The following HPR variants were observed in gnomAD, a reference collection of about 807,000 sequenced individuals.
The protein encoded by HPR is Haptoglobin-related locus.
A neutral mutation model predicts 18.5 loss-of-function variants in HPR; 17 were observed. The ratio of observed to expected loss-of-function variants is 0.92; its 90% confidence interval spans 0.63 to 1.38. The LOEUF is 1.38. Ranked by LOEUF, HPR falls within the 40% of genes most tolerant of loss-of-function variation. The probability of loss-of-function intolerance (pLI) is 0.00; values close to 1 mark genes in which losing one functional copy is unlikely to be tolerated. For missense variants in HPR, 457 were observed against 432.4 expected, an observed-to-expected ratio of 1.06 and a Z score of -0.51; for synonymous variants, 176 against 165.0, an observed-to-expected ratio of 1.07 and a Z score of -0.51.
chr16:72,066,482 C>T (rs2144061720), intron 1 of HPR, among the ~76,000 whole-genome samples: 2 of 152,250 alleles, frequency 1.3e-5, no homozygotes, highest in South Asian at 4.2e-4. Context: ...AACAGCAATG[C>T]AGCCCACTGA....
At chr16:72,071,638 C>A (rs141012393) in intron 1 of HPR, among the ~76,000 whole-genome samples, 144 of 152,308 alleles carry the variant, frequency 9.5e-4, no homozygotes, top group Admixed American at 3.9e-3. Context: ...AGCTTAAGTC[C>A]TTCCAAGAGC....
chr16:72,069,504 G>A (rs1282102866), intron 1 of HPR, among the ~76,000 whole-genome samples: 1 of 152,028 alleles, frequency 6.6e-6, no homozygotes. Context: ...ATAAAGATAG[G>A]AGCCAAAGGA....
chr16:72,066,713 G>C (rs141159301), intron 1 of HPR, among the ~76,000 whole-genome samples: 2 of 152,162 alleles, frequency 1.3e-5, no homozygotes, highest in East Asian at 1.9e-4. Flanking sequence ...GTCACTAAAG[G>C]CTGGCCAGAT....
At chr16:72,064,079 T>G (rs1003706853) in intron 1 of HPR, among the ~76,000 whole-genome samples, 1 of 152,108 alleles carries the variant, frequency 6.6e-6, no homozygotes, top group Non-Finnish European at 1.5e-5. Flanking sequence ...GCCTGAATGG[T>G]GGGCGTCTGT....
At chr16:72,065,691 T>C (rs2041590484) in intron 1 of HPR, among the ~76,000 whole-genome samples, 2 of 152,134 alleles carry the variant, frequency 1.3e-5, no homozygotes, top group Admixed American at 1.3e-4. Context: ...TAATCCAATA[T>C]GTTAATGATA....
chr16:72,074,124 G>C lies in HPR; in HGVS notation c.91+147G>C, dbSNP rs538530116. 7.1e-5 allele frequency: 94 copies of C among 1,318,588 alleles called. 1 individual carries two copies. In the Middle Eastern group the frequency reaches 1.4e-3, roughly 20 times the overall value. 81.7% of individuals were successfully genotyped at this position (1,318,588 alleles called of 1,614,324 possible). On this transcript the variant is annotated intron_variant, in intron 2 of 4. Transcript: ENST00000540303. Reference sequence around the variant, plus strand: ...GGCTTTCAGGACTGCCAAGAACATTGGGGATCCTGCCAGAAATGAGGGGAG... The same window carrying C: ...GGCTTTCAGGACTGCCAAGAACATTCGGGATCCTGCCAGAAATGAGGGGAG...
intron 1 of HPR, among the ~76,000 whole-genome samples, chr16:72,070,727 G>A (rs2041645975): frequency 6.6e-6 from 1 of 152,096 alleles, no homozygotes; most frequent in Admixed American, 6.6e-5. Flanking sequence ...CATCCTGTGT[G>A]GAGACAAGCA....
intron 1 of HPR, among the ~76,000 whole-genome samples, chr16:72,070,581 C>T (rs2041644188): frequency 6.6e-6 from 1 of 152,186 alleles, no homozygotes; most frequent in African/African-American, 2.4e-5. Context: ...AGGGCTCACC[C>T]CAACCAAATT....
chr16:72,075,878 C>A (rs2041715956), intron 4 of HPR, among the ~76,000 whole-genome samples: 1 of 149,184 alleles, frequency 6.7e-6, no homozygotes, highest in African/African-American at 2.5e-5. Flanking sequence ...GTCGCCTAGG[C>A]TGGAGTGCAG....
chr16:72,073,694 AG>A (rs1338546412), intron 1 of HPR, 197 bp from the exon 2 acceptor site: 20 of 1,480,026 alleles, frequency 1.4e-5, no homozygotes, highest in Non-Finnish European at 1.7e-5. Flanking sequence ...TGTGGGGCGG[AG>A]GGTGGGGGCA....
In HPR at chr16:72,075,202, T is replaced by G; in HGVS notation, c.251T>G (p.Leu84Arg). The change falls in exon 4 of 5, where the codon CTT becomes CGT. Residue 84 changes from leucine to arginine, a missense_variant. Transcript: ENST00000540303. Reference protein sequence around the residue: ...QWINKAVGDKLPECEAVCGKP... With the variant: ...QWINKAVGDKRPECEAVCGKP... ...ATAAATAAGGCTGTTGGAGATAAAC[T>G]TCCTGAATGTGAAGCAGGTGGGTGC... 6.8e-7 allele frequency: 1 copy of G among 1,472,754 alleles called. No individual in the cohort carries two copies. The highest frequency in any genetic ancestry group is 9.3e-7 in the Non-Finnish European group (1 of 1,073,284). 91.2% of individuals were successfully genotyped at this position (1,472,754 alleles called of 1,614,324 possible). A position where few individuals can be genotyped will look rare whatever the true frequency, so the allele number is the denominator to read the frequency against.
At chr16:72,072,221 T>G (rs982870458) in intron 1 of HPR, among the ~76,000 whole-genome samples, 1 of 152,060 alleles carries the variant, frequency 6.6e-6, no homozygotes, top group African/African-American at 2.4e-5. Flanking sequence ...ATGGTCAGGC[T>G]GGTCTCAAAC....
chr16:72,064,312 T>G (rs1411315653), intron 1 of HPR, among the ~76,000 whole-genome samples: 1 of 152,210 alleles, frequency 6.6e-6, no homozygotes, highest in African/African-American at 2.4e-5. Flanking sequence ...TTTAGCCTGC[T>G]TAAGTTTCCT....
chr16:72,065,612 G>T (rs1437433522), intron 1 of HPR, among the ~76,000 whole-genome samples: 1 of 152,158 alleles, frequency 6.6e-6, no homozygotes, highest in African/African-American at 2.4e-5. Flanking sequence ...TGGACCCAAG[G>T]TCCCATCCTC....
chr16:72,068,825 A>G (rs1253567613), intron 1 of HPR, among the ~76,000 whole-genome samples: 1 of 152,188 alleles, frequency 6.6e-6, no homozygotes, highest in Non-Finnish European at 1.5e-5. Context: ...ATAAAAAAGC[A>G]GGAAGGTGAC....
rs372304192 is a variant in HPR, at chr16:72,070,630, T to C, written c.6-3262T>C. ...GCTTAATAATCACTTGTTTATTTTT[T>C]CTTTTCTTTCCAACAGAAGGTCATC... On this transcript the variant is annotated intron_variant, in intron 1 of 4. Transcript: ENST00000540303. Among the ~76,000 whole-genome samples, 33 of 152,338 alleles carry C rather than the reference T, an allele frequency of 2.2e-4. 2 individuals are homozygous for C. The highest frequency in any genetic ancestry group is 1.0e-3 in the Admixed American group (16 of 15,302).
chr16:72,076,629 C>T lies in HPR; in HGVS notation c.595C>T (p.Leu199Phe), dbSNP rs200495504. The change falls in exon 5 of 5, where the codon CTT becomes TTT. Residue 199 changes from leucine to phenylalanine, a missense_variant. Coordinates refer to ENST00000540303, the MANE Select transcript of HPR (RefSeq NM_020995.4). ...IGLIKLKQKV[L>F]VNERVMPICL... The stretch of plus-strand genomic sequence containing the variant: ...GCTCATCAAACTCAAACAGAAGGTG[C>T]TTGTTAATGAGAGAGTGATGCCCAT... 428 of 1,614,146 alleles carry T rather than the reference C, an allele frequency of 2.7e-4. 3 individuals carry two copies. The East Asian group carries it at 6.1e-3, about 23-fold the overall frequency.
At chr16:72,073,712 T>A in intron 1 of HPR, 180 bp from the exon 2 acceptor site, 2 of 1,507,604 alleles carry the variant, frequency 1.3e-6, no homozygotes, top group Non-Finnish European at 1.8e-6. Flanking sequence ...GGCAACTTCT[T>A]GGTCCTAGCA....
intron 4 of HPR, among the ~76,000 whole-genome samples, 200 bp from the exon 5 acceptor site, chr16:72,076,101 TAG>T (rs2144078426): frequency 1.3e-5 from 2 of 152,312 alleles, no homozygotes; most frequent in East Asian, 3.9e-4. Flanking sequence ...TATTTAGAAA[TAG>T]AGCTTTTTGT....
Sources: gnomAD v4.1 joint callset for allele counts (sites outside exome capture counted in the v4.1 genomes callset) on GRCh38, gnomAD v4.1.1 for gene constraint, MANE v1.5 for transcripts, NCBI Gene and HGNC (gene_info 2026-07-23, HGNC 2026-07-21) for gene names.